Variants in WWOX observed in about 807,000 individuals in gnomAD.
The protein encoded by WWOX is WW domain containing oxidoreductase, also known as WW domain-containing oxidoreductase.
In WWOX, 69 loss-of-function variants were observed where a neutral mutation model predicts 46.2. The observed-to-expected ratio is 1.49, with a 90% CI of 1.23 to 1.82. The LOEUF is 1.82. WWOX is among the 40% of genes most tolerant of loss of function. The pLI, the probability that WWOX is intolerant of heterozygous loss-of-function variation, is 0.00. For synonymous variants in WWOX, 359 were observed against 202.6 expected, an observed-to-expected ratio of 1.77 and a Z score of -6.56; for missense variants, 919 against 542.6, an observed-to-expected ratio of 1.69 and a Z score of -6.89.
At chr16:78,637,166 AAT>A (rs1463782989) in intron 8 of WWOX, among the ~76,000 whole-genome samples, 29 of 152,156 alleles carry the variant, frequency 1.9e-4, no homozygotes, top group African/African-American at 6.8e-4. Context: ...TCCTGTCTGT[AAT>A]CCCGGCACTT....
intron 8 of WWOX, among the ~76,000 whole-genome samples, chr16:79,021,843 A>G (rs746434413): frequency 1.3e-5 from 2 of 152,186 alleles, no homozygotes; most frequent in African/African-American, 2.4e-5. Context: ...TCAATCACAC[A>G]TACACACAAA....
chr16:78,824,458 G>A (rs1019599636), intron 8 of WWOX, among the ~76,000 whole-genome samples: 2 of 152,114 alleles, frequency 1.3e-5, no homozygotes, highest in East Asian at 3.9e-4. Flanking sequence ...TACTTTCCTA[G>A]GTGCTGGGGA....
chr16:78,762,982 G>T (rs184891681), intron 8 of WWOX, among the ~76,000 whole-genome samples: 1 of 152,158 alleles, frequency 6.6e-6, no homozygotes, highest in Non-Finnish European at 1.5e-5. Flanking sequence ...TCCTGGTGGG[G>T]GGACCAGATG....
intron 8 of WWOX, among the ~76,000 whole-genome samples, chr16:79,092,646 G>A (rs914259141): frequency 9.2e-5 from 14 of 152,174 alleles, no homozygotes; most frequent in South Asian, 2.1e-4. Context: ...AGTAAAAGTC[G>A]TTGGCGAGGA....
intron 8 of WWOX, among the ~76,000 whole-genome samples, chr16:78,908,446 A>T (rs370270628): frequency 1.3e-5 from 2 of 151,836 alleles, no homozygotes; most frequent in Non-Finnish European, 2.9e-5. Context: ...AGGCAGAGGC[A>T]GGAGAACTGC....
chr16:78,768,092 T>C (rs903779642), intron 8 of WWOX, among the ~76,000 whole-genome samples: 8 of 151,870 alleles, frequency 5.3e-5, no homozygotes, highest in African/African-American at 1.7e-4. Flanking sequence ...GTATTCTTAT[T>C]ATGTGTTTTA....
Position 78,211,243 on chromosome 16 carries a change from C to T in WWOX, c.516+46954C>T, listed in dbSNP as rs371866030. ...GGGTGGGTGTTACTTCTCAAGAAGG[C>T]GATGGTAGAACCGCTGGAGACTTCT... On this transcript the variant is annotated intron_variant, in intron 5 of 8. Transcript: ENST00000566780. Among the ~76,000 whole-genome samples, 29 of 152,202 alleles carry T rather than the reference C, an allele frequency of 1.9e-4. 2 individuals are homozygous for T. The highest frequency in any genetic ancestry group is 1.2e-3 in the Admixed American group (19 of 15,290).
At chr16:78,357,560 G>C (rs1364549169) in intron 5 of WWOX, among the ~76,000 whole-genome samples, 1 of 152,146 alleles carries the variant, frequency 6.6e-6, no homozygotes, top group Non-Finnish European at 1.5e-5. Context: ...CATAATCAGA[G>C]AAAACGTGGT....
At chr16:79,049,407 T>C (rs1012401636) in intron 8 of WWOX, among the ~76,000 whole-genome samples, 4 of 152,144 alleles carry the variant, frequency 2.6e-5, no homozygotes, top group African/African-American at 9.7e-5. Context: ...GGCTGGCAGT[T>C]GTAGGACGCA....
intron 8 of WWOX, among the ~76,000 whole-genome samples, chr16:78,457,505 C>T (rs918773533): frequency 1.3e-5 from 2 of 152,096 alleles, no homozygotes; most frequent in Admixed American, 6.5e-5. Flanking sequence ...TTTTTTCATT[C>T]ACCAATCTTT....
intron 8 of WWOX, among the ~76,000 whole-genome samples, chr16:78,670,221 G>C (rs1281780008): frequency 2.0e-5 from 3 of 152,140 alleles, no homozygotes; most frequent in Admixed American, 2.0e-4. Context: ...AGTTTAGGAA[G>C]GCCAGGCAGC....
chr16:79,101,487 G>A (rs1567550916), intron 8 of WWOX: 4 of 152,254 alleles, frequency 2.6e-5, no homozygotes, highest in Middle Eastern at 6.8e-3. Flanking sequence ...TTTCAAAAAT[G>A]CCTACTCCCT....
chr16:78,825,478 T>C (rs953563341), intron 8 of WWOX: 1 of 447,758 alleles, frequency 2.2e-6, no homozygotes. Flanking sequence ...CCAGGGATTC[T>C]GGAATTGACT....
At chr16:78,741,331 T>G (rs2049222140) in intron 8 of WWOX, among the ~76,000 whole-genome samples, 1 of 152,058 alleles carries the variant, frequency 6.6e-6, no homozygotes, top group Admixed American at 6.6e-5. Context: ...GAGGCCAAGG[T>G]GGGCAGATTA....
chr16:78,813,027 G>T (rs989547576), intron 8 of WWOX, among the ~76,000 whole-genome samples: 5 of 151,070 alleles, frequency 3.3e-5, no homozygotes, highest in Non-Finnish European at 2.9e-5. Context: ...GTAAACCCAT[G>T]TAATTTCTTA....
intron 6 of WWOX, among the ~76,000 whole-genome samples, chr16:78,412,208 T>C (rs147792014): frequency 6.6e-6 from 1 of 152,292 alleles, no homozygotes; most frequent in East Asian, 1.9e-4. Flanking sequence ...GATAGCACAT[T>C]GTTTTCCTAA....
At chr16:78,711,539 C>T (rs532043352) in intron 8 of WWOX, among the ~76,000 whole-genome samples, 4 of 152,054 alleles carry the variant, frequency 2.6e-5, no homozygotes, top group Non-Finnish European at 4.4e-5. Flanking sequence ...AAAGGCCAGC[C>T]GCAAAGATTG....
intron 8 of WWOX, among the ~76,000 whole-genome samples, chr16:79,127,727 C>A (rs573834649): frequency 6.6e-6 from 1 of 152,296 alleles, no homozygotes; most frequent in South Asian, 2.1e-4. Context: ...TACATTCCCA[C>A]TAAGCAACAT....
intron 8 of WWOX, among the ~76,000 whole-genome samples, chr16:79,025,533 C>A (rs1044583710): frequency 6.6e-6 from 1 of 152,056 alleles, no homozygotes. Flanking sequence ...AGCCAGGGAG[C>A]ACTGAGGGCT....
Sources: allele counts gnomAD v4.1 joint callset (sites outside exome capture counted in the v4.1 genomes callset), GRCh38; gene constraint gnomAD v4.1.1; transcripts MANE v1.5; gene names NCBI Gene and HGNC (gene_info 2026-07-23, HGNC 2026-07-21).